Variants in CEP85L observed in about 807,000 individuals in gnomAD.
The protein encoded by CEP85L is centrosomal protein 85L.
Under a neutral mutation model 100.3 loss-of-function variants are expected in CEP85L, and 60 were observed. That is an observed-to-expected ratio of 0.60 (90% CI 0.49 to 0.74). The LOEUF (loss-of-function observed/expected upper bound fraction) is 0.74. CEP85L is among the 30% of genes least tolerant of loss of function. The pLI is 0.00. For synonymous variants in CEP85L, 319 were observed against 322.7 expected (o/e 0.99, Z 0.12); for missense variants, 973 against 936.2 (o/e 1.04, Z -0.51).
chr6:118,617,648 C>T (rs929603979), intron 2 of CEP85L, among the ~76,000 whole-genome samples: 1 of 152,182 alleles, frequency 6.6e-6, no homozygotes, highest in Non-Finnish European at 1.5e-5. Context: ...CATTCGGGAC[C>T]CCTTCCATGC....
intron 1 of CEP85L, among the ~76,000 whole-genome samples, chr6:118,683,086 A>T (rs62422254): frequency 0.22 from 33,549 of 152,156 alleles, 4,807 homozygotes; most frequent in Non-Finnish European, 0.32. Context: ...GTTGTGGAGT[A>T]GTTATTCCTG....
chr6:118,594,548 T>C (rs1023633269), intron 2 of CEP85L, among the ~76,000 whole-genome samples: 2 of 152,102 alleles, frequency 1.3e-5, no homozygotes, highest in Non-Finnish European at 2.9e-5. Context: ...CACTTAAAAA[T>C]CAGCCCAAAA....
At chr6:118,618,962 G>T (rs2115266455) in intron 2 of CEP85L, among the ~76,000 whole-genome samples, 1 of 152,288 alleles carries the variant, frequency 6.6e-6, no homozygotes, top group African/African-American at 2.4e-5. Flanking sequence ...GCCCCATCTA[G>T]TGGTCAATGG....
At chr6:118,554,154 G>A (rs1037247600) in intron 3 of CEP85L, among the ~76,000 whole-genome samples, 2 of 152,056 alleles carry the variant, frequency 1.3e-5, no homozygotes, top group African/African-American at 4.8e-5. Flanking sequence ...CAGGCATGGT[G>A]GCGCACACCT....
intron 3 of CEP85L, chr6:118,537,719 C>T (rs1047955399): frequency 2.0e-6 from 2 of 985,158 alleles, no homozygotes; most frequent in African/African-American, 3.5e-5. Flanking sequence ...AATTCTTTGG[C>T]CTGGACAAAT....
rs953290728 is a variant in CEP85L at position 118,609,346 on chromosome 6, T to C, written c.232+23107A>G. On this transcript the variant is annotated intron_variant, in intron 2 of 12. Coordinates refer to ENST00000368491, the MANE Select transcript of CEP85L (RefSeq NM_001042475.3). The stretch of plus-strand genomic sequence containing the variant: ...AAATTTTTCAAATCCATGAATAATA[T>C]CTGAAATATGAATTTGCTTTTAAAA... Among the ~76,000 whole-genome samples, 3 of 152,216 alleles carry C rather than the reference T, an allele frequency of 2.0e-5. No homozygotes were observed. In the South Asian group the frequency reaches 6.2e-4, roughly 32 times the overall value.
At chr6:118,584,835 G>A (rs1333551646) in intron 2 of CEP85L, among the ~76,000 whole-genome samples, 1 of 152,226 alleles carries the variant, frequency 6.6e-6, no homozygotes, top group Non-Finnish European at 1.5e-5. Context: ...GGAGCCTTTG[G>A]CTAACAGATA....
At chr6:118,489,097 G>A (rs879587102) in intron 6 of CEP85L, among the ~76,000 whole-genome samples, 4 of 151,836 alleles carry the variant, frequency 2.6e-5, no homozygotes, top group Non-Finnish European at 5.9e-5. Context: ...GTGAAACCTC[G>A]TCTCTACTAA....
rs147398013 is a variant in CEP85L at position 118,470,346 on chromosome 6, A to C, written c.2022+191T>G. On this transcript the variant is annotated intron_variant, in intron 11 of 12. Transcript: ENST00000368491. ...TATATACTGTACTATAATTATGTGA[A>C]ACTGTATTCTAAAACACAAAATAAA... 1.6e-3 allele frequency among the ~76,000 whole-genome samples: 245 copies of C among 152,216 alleles called. 1 individual carries two copies. Among genetic ancestry groups the C allele is most frequent in the Admixed American group, 3.2e-3 (49 of 15,284 alleles).
chr6:118,612,375 C>T (rs1016777295), intron 2 of CEP85L, among the ~76,000 whole-genome samples: 7 of 151,690 alleles, frequency 4.6e-5, no homozygotes, highest in Non-Finnish European at 1.0e-4. Context: ...AAGTGGCAAA[C>T]GGCCAGGTGC....
chr6:118,467,215 GATAA>G (rs1259624431), intron 12 of CEP85L, among the ~76,000 whole-genome samples: 2 of 152,268 alleles, frequency 1.3e-5, no homozygotes, highest in African/African-American at 4.8e-5. Flanking sequence ...GGGTAAAGGA[GATAA>G]ATGTCTAGGT....
chr6:118,536,389 G>C (rs1777592849), intron 3 of CEP85L, among the ~76,000 whole-genome samples: 1 of 152,136 alleles, frequency 6.6e-6, no homozygotes, highest in African/African-American at 2.4e-5. Context: ...ATTATAAGGG[G>C]AGATGTATGT....
intron 2 of CEP85L, among the ~76,000 whole-genome samples, chr6:118,581,919 A>G (rs890311598): frequency 7.2e-5 from 11 of 152,128 alleles, no homozygotes; most frequent in Non-Finnish European, 1.3e-4. Context: ...ATTATCCAAC[A>G]GTTAGATCTT....
intron 3 of CEP85L, among the ~76,000 whole-genome samples, chr6:118,555,654 T>C (rs1778818187): frequency 6.6e-6 from 1 of 152,168 alleles, no homozygotes; most frequent in Non-Finnish European, 1.5e-5. Context: ...TGTCCCTTAT[T>C]TTTAACTTTT....
At chr6:118,666,834 C>T (rs1396170890) in intron 1 of CEP85L, among the ~76,000 whole-genome samples, 1 of 151,882 alleles carries the variant, frequency 6.6e-6, no homozygotes, top group Non-Finnish European at 1.5e-5. Flanking sequence ...ATGACCCCAG[C>T]ATGGTTTGGA....
chr6:118,508,673 A>C (rs1775798266), intron 5 of CEP85L, among the ~76,000 whole-genome samples: 1 of 152,076 alleles, frequency 6.6e-6, no homozygotes, highest in Admixed American at 6.6e-5. Flanking sequence ...TATGTTTTCC[A>C]TCTATAAATT....
chr6:118,524,442 T>TAAAC (rs149343537), intron 3 of CEP85L, among the ~76,000 whole-genome samples: 5 of 152,090 alleles, frequency 3.3e-5, no homozygotes, highest in East Asian at 3.9e-4. Flanking sequence ...AGACTCTGTC[T>TAAAC]AAACAAACAA....
intron 2 of CEP85L, among the ~76,000 whole-genome samples, chr6:118,598,679 G>A (rs1781575016): frequency 6.6e-6 from 1 of 152,178 alleles, no homozygotes; most frequent in African/African-American, 2.4e-5. Context: ...GAGGGAGCAT[G>A]GCCCTGCCAA....
At chr6:118,609,382 C>A (rs1051245224) in intron 2 of CEP85L, among the ~76,000 whole-genome samples, 6 of 152,138 alleles carry the variant, frequency 3.9e-5, no homozygotes, top group Non-Finnish European at 7.3e-5. Context: ...CAATATTCAT[C>A]TTTATGCTCT....
Sources: allele counts gnomAD v4.1 joint callset (sites outside exome capture counted in the v4.1 genomes callset), GRCh38; gene constraint gnomAD v4.1.1; transcripts MANE v1.5; gene names NCBI Gene and HGNC (gene_info 2026-07-23, HGNC 2026-07-21).